Variants in RPLP0 observed in about 807,000 individuals in gnomAD.
RPLP0 encodes the protein ribosomal protein lateral stalk subunit P0, also known as large ribosomal subunit protein uL10.
For synonymous variants in RPLP0, 137 were observed against 153.4 expected (o/e 0.89, Z 0.79); for missense variants, 276 against 402.9 (o/e 0.69, Z 2.70).
rs752836176 is a variant in RPLP0, at chr12:120,199,523, AAG to A, written c.55-40_55-39del. 17 of 1,592,732 alleles carry A rather than the reference AAG, an allele frequency of 1.1e-5. No homozygotes were observed. The South Asian group carries it at 1.2e-4, about 12-fold the overall frequency. On this transcript the variant is annotated intron_variant, in intron 2 of 7. Coordinates refer to ENST00000392514, the MANE Select transcript of RPLP0 (RefSeq NM_001002.4). Reference sequence around the variant, plus strand: ...AGCCAGAGGAGCCAAGTTTAACAGGAAGAGAGAGGGAAAAAATGCCAGAAGAA... The same window carrying A: ...AGCCAGAGGAGCCAAGTTTAACAGGAAGAGAGGGAAAAAATGCCAGAAGAA...
chr12:120,198,453 T>A lies in RPLP0; in HGVS notation c.651+101A>T. 1 of 1,240,336 alleles carries A rather than the reference T, an allele frequency of 8.1e-7. No homozygotes were observed. The highest frequency in any genetic ancestry group is 1.2e-6 in the Non-Finnish European group (1 of 855,794). 76.8% of individuals were successfully genotyped at this position (1,240,336 alleles called of 1,614,324 possible). A position where few individuals can be genotyped will look rare whatever the true frequency, so the allele number is the denominator to read the frequency against. On this transcript the variant is annotated intron_variant, in intron 6 of 7. Coordinates refer to ENST00000392514, the MANE Select transcript of RPLP0 (RefSeq NM_001002.4). The surrounding 1 kb of genome is among the most constrained non-coding windows in gnomAD (Gnocchi z 4.1). ...ACTGACATTTTACAGATGAGGTAGG[T>A]AGACAGATGAAAACACAGTCCTTGG...
chr12:120,199,299 G>C lies in RPLP0; in HGVS notation c.230+11C>G, dbSNP rs776612212. ...CTGGGGAGAAAGGACAAAACTGCCA[G>C]GGGAACTGACTTCTCCAGAGCTGGG... On this transcript the variant is annotated intron_variant, in intron 3 of 7. Transcript: ENST00000392514. 14 of 1,614,058 alleles carry C rather than the reference G, an allele frequency of 8.7e-6. No homozygotes were observed. The highest frequency in any genetic ancestry group is 1.2e-5 in the Non-Finnish European group (14 of 1,179,928).
At chr12:120,199,021 T>G in intron 4 of RPLP0, 21 bp from the exon 5 acceptor site, 1 of 1,613,884 alleles carries the variant, frequency 6.2e-7, no homozygotes, top group East Asian at 2.2e-5. Flanking sequence ...CAACAAACAG[T>G]GAGAAAAGCC....
Position 120,198,386 on chromosome 12 carries a change from CA to C in RPLP0, c.651+167del, listed in dbSNP as rs1227730541. The C allele has an allele frequency of 0.24, 121,644 of 506,048 alleles. 10 individuals are homozygous for C. The highest frequency in any genetic ancestry group is 0.28 in the South Asian group (11,592 of 41,600). The allele number at this position is 506,048 out of a possible 1,614,324, so 31.3% of individuals were successfully genotyped here. The stretch of plus-strand genomic sequence containing the variant: ...GGGCGACACAGCAAGACTCTGTCTC[CA>C]AAAAAAAAAAAAAAAAATCCTTCAA... On this transcript the variant is annotated intron_variant, in intron 6 of 7. Coordinates refer to ENST00000392514, the MANE Select transcript of RPLP0 (RefSeq NM_001002.4). This position sits in a 1 kb window ranked among gnomAD's most constrained non-coding sequence, Gnocchi z 4.1.
chr12:120,197,268 C>T, intron 7 of RPLP0, 54 bp downstream of exon 7: 3 of 1,519,624 alleles, frequency 2.0e-6, no homozygotes, highest in Non-Finnish European at 2.7e-6. Flanking sequence ...GGCCACATCA[C>T]CCTGCTAATT....
intron 2 of RPLP0, chr12:120,200,271 T>A: frequency 2.8e-6 from 1 of 354,966 alleles, no homozygotes; most frequent in Non-Finnish European, 5.6e-6. Context: ...GAGACCATCC[T>A]GGCCAACATG....
chr12:120,197,256 A>G (rs1166693904), intron 7 of RPLP0, 66 bp downstream of exon 7: 6 of 1,411,518 alleles, frequency 4.3e-6, no homozygotes, highest in South Asian at 1.2e-5. Context: ...AGTAAGGTAG[A>G]AGGCCACATC....
chr12:120,197,053 G>T, intron 7 of RPLP0, 119 bp from the exon 8 acceptor site: 2 of 1,527,698 alleles, frequency 1.3e-6, no homozygotes, highest in Non-Finnish European at 1.8e-6. Context: ...AGCCTTTCCT[G>T]TCAGAAGCAG....
chr12:120,199,494 A>C lies in RPLP0; in HGVS notation c.55-9T>G, dbSNP rs373639568. ...TAATCATCCAATAGTTGCTACAAAA[A>C]ACAAGCCAGAGGAGCCAAGTTTAAC... On this transcript the variant is annotated splice_polypyrimidine_tract_variant and intron_variant, in intron 2 of 7. Coordinates refer to ENST00000392514, the MANE Select transcript of RPLP0 (RefSeq NM_001002.4). 8 of 1,612,476 alleles carry C rather than the reference A, an allele frequency of 5.0e-6. No individual in the cohort carries two copies. The highest frequency in any genetic ancestry group is 6.8e-6 in the Non-Finnish European group (8 of 1,179,478).
At position 120,200,803 on chromosome 12, in the gene RPLP0, T is replaced by C. The variant is rs1363444675; in HGVS notation, c.-20A>G. The stretch of plus-strand genomic sequence containing the variant: ...GGGCATCACGGCGGTGCGTCAGGGA[T>C]TGCCACGCAGGGTTTAAAGACGATG... On this transcript the variant is annotated 5_prime_UTR_variant, in exon 2 of 8. Transcript: ENST00000392514. The C allele has an allele frequency of 1.2e-6, 2 of 1,609,052 alleles. No individual in the cohort carries two copies. Among genetic ancestry groups the C allele is most frequent in the Non-Finnish European group, 1.7e-6 (2 of 1,178,574 alleles).
Position 120,198,762 on chromosome 12 carries a change from A to G in RPLP0, c.466-23T>C. ...ACTCTGAACCAGATAATAGTGGGGC[A>G]GTAAACACCTGTTGGACAACCAGCA... On this transcript the variant is annotated intron_variant, in intron 5 of 7. Coordinates refer to ENST00000392514, the MANE Select transcript of RPLP0 (RefSeq NM_001002.4). The surrounding 1 kb of genome is among the most constrained non-coding windows in gnomAD (Gnocchi z 4.1). 5 of 1,612,402 alleles carry G rather than the reference A, an allele frequency of 3.1e-6. No homozygotes were observed. Among genetic ancestry groups the G allele is most frequent in the Non-Finnish European group, 3.4e-6 (4 of 1,178,430 alleles).
rs1879256821 is a variant in RPLP0, at chr12:120,198,222, A to C, written c.651+332T>G. The C allele has an allele frequency of 3.4e-6, 1 of 297,268 alleles. No homozygotes were observed. Among genetic ancestry groups the C allele is most frequent in the Non-Finnish European group, 6.6e-6 (1 of 152,118 alleles). The allele number at this position is 297,268 out of a possible 1,614,324, so 18.4% of individuals were successfully genotyped here. On this transcript the variant is annotated intron_variant, in intron 6 of 7. Coordinates refer to ENST00000392514, the MANE Select transcript of RPLP0 (RefSeq NM_001002.4). This position sits in a 1 kb window ranked among gnomAD's most constrained non-coding sequence, Gnocchi z 4.1. Reference sequence around the variant, plus strand: ...ATCCTGGCTAACGCGGTGAAACCTAAAAATACAAAAAAATTAGCCGGGCGT... The same window carrying C: ...ATCCTGGCTAACGCGGTGAAACCTACAAATACAAAAAAATTAGCCGGGCGT...
rs1879195971 is a variant in RPLP0 at position 120,196,749 on chromosome 12, G to C, written c.*24C>G. 1 of 1,540,116 alleles carries C rather than the reference G, an allele frequency of 6.5e-7. No individual in the cohort carries two copies. Among genetic ancestry groups the C allele is most frequent in the Non-Finnish European group, 8.8e-7 (1 of 1,140,570 alleles). Reference sequence around the variant, plus strand: ...TTTCCTTGTTTTGCAAATAAAACTGGCTAAGTTGGTTGCTTTTTGGTGATT... The same window carrying C: ...TTTCCTTGTTTTGCAAATAAAACTGCCTAAGTTGGTTGCTTTTTGGTGATT... On this transcript the variant is annotated 3_prime_UTR_variant, in exon 8 of 8. Transcript: ENST00000392514.
rs1227730541 is a variant in RPLP0 at position 120,198,386 on chromosome 12, C to CA, written c.651+167dup. Reference sequence around the variant, plus strand: ...GGGCGACACAGCAAGACTCTGTCTCCAAAAAAAAAAAAAAAAAATCCTTCA... The same window carrying CA: ...GGGCGACACAGCAAGACTCTGTCTCCAAAAAAAAAAAAAAAAAAATCCTTCA... On this transcript the variant is annotated intron_variant, in intron 6 of 7. Transcript: ENST00000392514. The surrounding 1 kb of genome is among the most constrained non-coding windows in gnomAD (Gnocchi z 4.1). The CA allele has an allele frequency of 0.046, 24,022 of 526,932 alleles. 427 individuals are homozygous for CA. The highest frequency in any genetic ancestry group is 0.19 in the African/African-American group (6,299 of 32,928). The allele number at this position is 526,932 out of a possible 1,614,324, so 32.6% of individuals were successfully genotyped here.
In RPLP0 at chr12:120,198,323, G is replaced by A. The variant is rs917969041; in HGVS notation, c.651+231C>T. The A allele has an allele frequency of 2.0e-6, 1 of 504,080 alleles. No individual in the cohort carries two copies. Among genetic ancestry groups the A allele is most frequent in the Non-Finnish European group, 3.6e-6 (1 of 279,566 alleles). 31.2% of individuals were successfully genotyped at this position (504,080 alleles called of 1,614,324 possible). A position where few individuals can be genotyped will look rare whatever the true frequency, so the allele number is the denominator to read the frequency against. ...TGGTGTGAACCCGGAGGCGGAGCTTGCAGTGAGCCGGGAGATTGTGCCACT... is the reference window on the plus strand; with the variant it reads ...TGGTGTGAACCCGGAGGCGGAGCTTACAGTGAGCCGGGAGATTGTGCCACT... On this transcript the variant is annotated intron_variant, in intron 6 of 7. Coordinates refer to ENST00000392514, the MANE Select transcript of RPLP0 (RefSeq NM_001002.4). This position sits in a 1 kb window ranked among gnomAD's most constrained non-coding sequence, Gnocchi z 4.1.
Position 120,198,404 on chromosome 12 carries a change from A to T in RPLP0, c.651+150T>A, listed in dbSNP as rs886592495. The T allele has an allele frequency of 2.0e-5, 17 of 834,402 alleles. No homozygotes were observed. The highest frequency in any genetic ancestry group is 2.9e-5 in the Non-Finnish European group (16 of 548,500). 51.7% of individuals were successfully genotyped at this position (834,402 alleles called of 1,614,324 possible). ...CTGTCTCCAAAAAAAAAAAAAAAAA[A>T]TCCTTCAACAATCTTATGTTGTTAC... On this transcript the variant is annotated intron_variant, in intron 6 of 7. Coordinates refer to ENST00000392514, the MANE Select transcript of RPLP0 (RefSeq NM_001002.4). This position sits in a 1 kb window ranked among gnomAD's most constrained non-coding sequence, Gnocchi z 4.1.
At chr12:120,197,081 G>T in intron 7 of RPLP0, 147 bp from the exon 8 acceptor site, 1 of 1,370,706 alleles carries the variant, frequency 7.3e-7, no homozygotes, top group South Asian at 1.3e-5. Context: ...AGGACAGCTT[G>T]GGTATGGCCT....
chr12:120,200,904 G>C (rs1879430972), intron 1 of RPLP0, 73 bp from the exon 2 acceptor site: 1 of 1,457,170 alleles, frequency 6.9e-7, no homozygotes, highest in Non-Finnish European at 9.1e-7. Context: ...AAGAGGAGCA[G>C]GACACGCGCA....
chr12:120,197,233 C>A, intron 7 of RPLP0, 89 bp downstream of exon 7: 1 of 1,244,770 alleles, frequency 8.0e-7, no homozygotes, highest in Non-Finnish European at 1.2e-6. Context: ...ATATAAAATA[C>A]AACTATAAAA....
Sources: gnomAD v4.1 joint callset for allele counts on GRCh38, gnomAD v4.1.1 for gene constraint, Gnocchi (gnomAD v3.1) non-coding constraint, MANE v1.5 for transcripts, NCBI Gene and HGNC (gene_info 2026-07-23, HGNC 2026-07-21) for gene names.